DLEU7: variants seen among roughly 807,000 people sequenced by gnomAD.
DLEU7 encodes the protein leukemia-associated protein 7.
DLEU7 carries 17 observed loss-of-function variants against 16.0 expected under a neutral mutation model. That is an observed-to-expected ratio of 1.06 (90% CI 0.73 to 1.59). The LOEUF (loss-of-function observed/expected upper bound fraction) is 1.59, where lower values mean the gene tolerates loss of function less well. Ranked by LOEUF, DLEU7 falls within the 40% of genes most tolerant of loss-of-function variation. The pLI is 0.00. For synonymous variants in DLEU7, 113 were observed against 139.8 expected (o/e 0.81, Z 1.35); for missense variants, 308 against 314.9 (o/e 0.98, Z 0.17).
intron 1 of DLEU7, among the ~76,000 whole-genome samples, chr13:50,728,716 C>T (rs371286157): frequency 6.6e-6 from 1 of 152,226 alleles, no homozygotes; most frequent in African/African-American, 2.4e-5. Flanking sequence ...TTTGTTTTCT[C>T]AGATTCATTT....
chr13:50,802,578 C>A (rs1346250012), intron 1 of DLEU7, among the ~76,000 whole-genome samples: 1 of 152,212 alleles, frequency 6.6e-6, no homozygotes, highest in Admixed American at 6.5e-5. Context: ...AAAATTTTCT[C>A]CATGGTTGTT....
chr13:50,804,701 C>A (rs1876341933), intron 1 of DLEU7, among the ~76,000 whole-genome samples: 1 of 152,126 alleles, frequency 6.6e-6, no homozygotes, highest in South Asian at 2.1e-4. Context: ...CAGCCTAGGC[C>A]TCTCAAAGTG....
At chr13:50,819,683 G>A (rs1876839130), downstream of DLEU7, among the ~76,000 whole-genome samples, 1 of 152,262 alleles carries the variant, frequency 6.6e-6, no homozygotes, top group Middle Eastern at 3.4e-3. Context: ...TTTTGCCTGT[G>A]TGACTGGAAG....
chr13:50,840,418 A>G (rs57753237), intron 1 of DLEU7, among the ~76,000 whole-genome samples: 14,750 of 152,174 alleles, frequency 0.097, 974 homozygotes, highest in African/African-American at 0.19. Flanking sequence ...ACAGCAAACC[A>G]AGCAAAATTC....
intron 1 of DLEU7, among the ~76,000 whole-genome samples, chr13:50,721,335 C>T (rs1593527250): frequency 6.6e-6 from 1 of 152,218 alleles, no homozygotes; most frequent in East Asian, 1.9e-4. Flanking sequence ...GGTTTCCTTC[C>T]TCCTCAGCTT....
chr13:50,711,532 C>G (rs1397701931), downstream of DLEU7: 1 of 152,072 alleles, frequency 6.6e-6, no homozygotes, highest in Non-Finnish European at 1.5e-5. Context: ...GAAGATAAGC[C>G]CTAGCCATTC....
intron 1 of DLEU7, among the ~76,000 whole-genome samples, chr13:50,737,880 G>A (rs971230376): frequency 1.3e-5 from 2 of 151,256 alleles, no homozygotes; most frequent in Admixed American, 1.3e-4. Flanking sequence ...AGCAAGGCCT[G>A]TAAAAACCCA....
At chr13:50,830,652 G>A (rs1393188541) in intron 1 of DLEU7, among the ~76,000 whole-genome samples, 1 of 152,190 alleles carries the variant, frequency 6.6e-6, no homozygotes, top group African/African-American at 2.4e-5. Flanking sequence ...GTGCTTAGGA[G>A]GCAATCCAAT....
intron 1 of DLEU7, among the ~76,000 whole-genome samples, chr13:50,792,575 A>G (rs1362366293): frequency 6.6e-6 from 1 of 152,000 alleles, no homozygotes; most frequent in Non-Finnish European, 1.5e-5. Context: ...TCCTTCTACT[A>G]TCTCTTCTTC....
intron 1 of DLEU7, among the ~76,000 whole-genome samples, chr13:50,742,376 C>T (rs1874274147): frequency 6.6e-6 from 1 of 152,100 alleles, no homozygotes; most frequent in African/African-American, 2.4e-5. Context: ...TTGCTTCTTT[C>T]TTCTTTTTTA....
At chr13:50,824,453 A>C (rs140890696) in intron 1 of DLEU7, among the ~76,000 whole-genome samples, 1 of 152,314 alleles carries the variant, frequency 6.6e-6, no homozygotes, top group African/African-American at 2.4e-5. Context: ...TAAAACTCTA[A>C]ATAAAAATAG....
intron 1 of DLEU7, among the ~76,000 whole-genome samples, chr13:50,790,655 G>C (rs1182919708): frequency 6.6e-6 from 1 of 152,092 alleles, no homozygotes; most frequent in Non-Finnish European, 1.5e-5. Flanking sequence ...GGGATGCGAG[G>C]GGTGTGGGGT....
intron 1 of DLEU7, among the ~76,000 whole-genome samples, chr13:50,788,705 C>G (rs1875861534): frequency 2.6e-5 from 4 of 152,146 alleles, no homozygotes; most frequent in Non-Finnish European, 5.9e-5. Flanking sequence ...GGGCCCTCGC[C>G]TGGGATGTTC....
downstream of DLEU7, among the ~76,000 whole-genome samples, chr13:50,819,437 CT>C (rs777823908): frequency 4.2e-4 from 64 of 152,112 alleles, no homozygotes; most frequent in Middle Eastern, 3.2e-3. Context: ...ACGTTTTTTA[CT>C]GTGGCTGATG....
At chr13:50,777,236 T>C (rs1203995588) in intron 1 of DLEU7, among the ~76,000 whole-genome samples, 11 of 152,202 alleles carry the variant, frequency 7.2e-5, no homozygotes, top group Admixed American at 5.9e-4. Flanking sequence ...ATGCAAAATA[T>C]TGATCCTGGG....
intron 1 of DLEU7, among the ~76,000 whole-genome samples, chr13:50,795,600 T>C (rs1876089715): frequency 6.6e-6 from 1 of 152,202 alleles, no homozygotes; most frequent in Non-Finnish European, 1.5e-5. Flanking sequence ...ATTTAAACTG[T>C]ACTTCAGATT....
At position 50,843,528 on chromosome 13, in the gene DLEU7, G is replaced by T. The variant is rs1310077935; in HGVS notation, c.119C>A (p.Pro40Gln). ...WGDGPVAPGNPRDPDHVSTAP... is the reference protein window; with the variant it reads ...WGDGPVAPGNQRDPDHVSTAP... Reference sequence around the variant, plus strand: ...GGTGGACACGTGGTCTGGGTCCCGCGGGTTCCCGGGGGCGACTGGACCGTC... The same window carrying T: ...GGTGGACACGTGGTCTGGGTCCCGCTGGTTCCCGGGGGCGACTGGACCGTC... Residue 40 changes from proline (P) to glutamine (Q), a missense_variant, in exon 1 of 2, where the codon CCG becomes CAG. Coordinates refer to ENST00000504404, the MANE Select transcript of DLEU7 (RefSeq NM_001306135.2). This position sits in a 1 kb window ranked among gnomAD's most constrained non-coding sequence, Gnocchi z 5.7. The T allele has an allele frequency of 2.1e-6, 3 of 1,433,048 alleles. No individual in the cohort carries two copies. The highest frequency in any genetic ancestry group is 2.7e-6 in the Non-Finnish European group (3 of 1,103,914). 88.8% of individuals were successfully genotyped at this position (1,433,048 alleles called of 1,614,324 possible).
intron 1 of DLEU7, among the ~76,000 whole-genome samples, chr13:50,797,884 A>G (rs1206050501): frequency 6.6e-6 from 1 of 152,198 alleles, no homozygotes; most frequent in Non-Finnish European, 1.5e-5. Flanking sequence ...AGAACGTACT[A>G]TTGTCCCCTA....
chr13:50,713,235 T>C lies in DLEU7; in HGVS notation c.465A>G (p.Gln155=), dbSNP rs770324729. The C allele has an allele frequency of 4.3e-6, 7 of 1,611,002 alleles. No homozygotes were observed. The South Asian group carries it at 7.8e-5, about 18-fold the overall frequency. The stretch of plus-strand genomic sequence containing the variant: ...ACCTTCTTCACTCATTAGCCAGGAG[T>C]TGAAGCTGAAAGAAATGTAGCATAA... The change falls in exon 2 of 2, where the codon CAA becomes CAG. Residue 155 remains glutamine, a synonymous_variant. Coordinates refer to the DLEU7 transcript ENST00000400393.
Sources: allele counts gnomAD v4.1 joint callset (sites outside exome capture counted in the v4.1 genomes callset), GRCh38; gene constraint gnomAD v4.1.1; non-coding constraint Gnocchi (gnomAD v3.1); transcripts MANE v1.5; gene names NCBI Gene and HGNC (gene_info 2026-07-23, HGNC 2026-07-21).